Variants in IER5 observed in about 807,000 individuals in gnomAD.
IER5 encodes the protein immediate early response 5.
In IER5, 3 loss-of-function variants were observed where a neutral mutation model predicts 8.2. The observed-to-expected ratio is 0.36, with a 90% confidence interval of 0.17 to 0.94. The LOEUF (loss-of-function observed/expected upper bound fraction) is 0.94, where lower values mean the gene tolerates loss of function less well. IER5 is among the 40% of genes least tolerant of loss of function. The probability of loss-of-function intolerance (pLI) is 0.43; values close to 1 mark genes in which losing one functional copy is unlikely to be tolerated. For synonymous variants in IER5, 286 were observed against 230.1 expected (o/e 1.24, Z -2.20); for missense variants, 531 against 494.3 (o/e 1.07, Z -0.70).
Position 181,089,637 on chromosome 1 carries a change from C to A in IER5, c.735C>A (p.Asn245Lys). 1 of 1,612,676 alleles carries A rather than the reference C, an allele frequency of 6.2e-7. No individual in the cohort carries two copies. The highest frequency in any genetic ancestry group is 8.5e-7 in the Non-Finnish European group (1 of 1,179,824). ...GSTPLKKPRR[N>K]LEQPPSGGED... is the part of the protein sequence containing the mutation. Reference sequence around the variant, plus strand: ...CCCCGCTCAAGAAGCCCCGCCGGAACTTAGAGCAGCCGCCGAGTGGAGGAG... The same window carrying A: ...CCCCGCTCAAGAAGCCCCGCCGGAAATTAGAGCAGCCGCCGAGTGGAGGAG... Residue 245 changes from asparagine to lysine, a missense_variant, in exon 1 of 1, where the codon AAC becomes AAA. Asn to Lys is a moderately conservative substitution (Grantham distance 94). Coordinates refer to ENST00000367577, the MANE Select transcript of IER5 (RefSeq NM_016545.5).
Position 181,089,269 on chromosome 1 carries a change from A to C in IER5, c.367A>C (p.Thr123Pro), listed in dbSNP as rs758631776. 1.1e-5 allele frequency: 17 copies of C among 1,558,730 alleles called. No individual in the cohort carries two copies. The highest frequency in any genetic ancestry group is 2.0e-4 in the Middle Eastern group (1 of 5,102). ...VGDEVPVATV[T>P]GVGDVFQGGE... The stretch of plus-strand genomic sequence containing the variant: ...GGACGAGGTGCCGGTGGCCACGGTG[A>C]CTGGAGTCGGGGACGTTTTTCAGGG... The change falls in exon 1 of 1, where the codon ACT becomes CCT. Residue 123 changes from threonine to proline, a missense_variant. Coordinates refer to ENST00000367577, the MANE Select transcript of IER5 (RefSeq NM_016545.5).
Position 181,089,610 on chromosome 1 carries a change from G to C in IER5, c.708G>C (p.Ser236=). Residue 236 remains serine, a synonymous_variant, in exon 1 of 1, where the codon TCG becomes TCC. Coordinates refer to ENST00000367577, the MANE Select transcript of IER5 (RefSeq NM_016545.5). ...GGPAGCPAPG[S]TPLKKPRRNL... is the part of the protein sequence containing the mutation. ...CAGCGGGCTGCCCGGCGCCCGGCTC[G>C]ACCCCGCTCAAGAAGCCCCGCCGGA... 6.2e-7 allele frequency: 1 copy of C among 1,609,276 alleles called. No individual in the cohort carries two copies.
chr1:181,088,723 G>A lies in IER5; in HGVS notation c.-180G>A, dbSNP rs1033745303. 3 of 606,204 alleles carry A rather than the reference G, an allele frequency of 4.9e-6. No individual in the cohort carries two copies. The highest frequency in any genetic ancestry group is 8.2e-6 in the Non-Finnish European group (3 of 364,254). 37.6% of individuals were successfully genotyped at this position (606,204 alleles called of 1,614,324 possible). On this transcript the variant is annotated 5_prime_UTR_variant, in exon 1 of 1. Coordinates refer to ENST00000367577, the MANE Select transcript of IER5 (RefSeq NM_016545.5). ...CTGTTTAGCGACCGGACCCGAAACG[G>A]GGAAGTTGTCTTGTTTGGAGAGGTT...
chr1:181,089,746 C>A lies in IER5; in HGVS notation c.844C>A (p.Arg282=). ...IFGSSFSGLL[R]KSPGGGREEE... The stretch of plus-strand genomic sequence containing the variant: ...CGGTTCCAGTTTCTCGGGACTCCTA[C>A]GGAAAAGCCCCGGGGGCGGCAGAGA... Residue 282 remains arginine (R), a synonymous_variant, in exon 1 of 1, where the codon CGG becomes AGG. Coordinates refer to ENST00000367577, the MANE Select transcript of IER5 (RefSeq NM_016545.5). 2 of 1,613,858 alleles carry A rather than the reference C, an allele frequency of 1.2e-6. No individual in the cohort carries two copies. Among genetic ancestry groups the A allele is most frequent in the Non-Finnish European group, 1.7e-6 (2 of 1,179,962 alleles).
At position 181,090,050 on chromosome 1, in the gene IER5, T is replaced by G. The variant is rs74795403; in HGVS notation, c.*164T>G. 2 of 812,948 alleles carry G rather than the reference T, an allele frequency of 2.5e-6. No individual in the cohort carries two copies. Among genetic ancestry groups the G allele is most frequent in the East Asian group, 5.4e-5 (2 of 37,338 alleles). The allele number at this position is 812,948 out of a possible 1,614,324, so 50.4% of individuals were successfully genotyped here. On this transcript the variant is annotated 3_prime_UTR_variant, in exon 1 of 1. Coordinates refer to ENST00000367577, the MANE Select transcript of IER5 (RefSeq NM_016545.5). Reference sequence around the variant, plus strand: ...AAACTGCCCCCGGGCGCATCTGGCTTATCTGGAGACCTGGGAGCTTGAGGC... The same window carrying G: ...AAACTGCCCCCGGGCGCATCTGGCTGATCTGGAGACCTGGGAGCTTGAGGC...
chr1:181,091,978 C>G lies in IER5; in HGVS notation c.*2092C>G, dbSNP rs1162228290. The stretch of plus-strand genomic sequence containing the variant: ...GGGAACTTTGTACTTTATGCTCTGT[C>G]GCCATAATAATGTATTTATAGAATT... On this transcript the variant is annotated 3_prime_UTR_variant, in exon 1 of 1. Transcript: ENST00000367577. The G allele has an allele frequency of 6.6e-6, 1 of 152,154 alleles. No homozygotes were observed. The highest frequency in any genetic ancestry group is 1.5e-5 in the Non-Finnish European group (1 of 68,046). The allele number at this position is 152,154 out of a possible 1,614,324, so 9.4% of individuals were successfully genotyped here.
Position 181,092,581 on chromosome 1 carries a change from T to G in IER5, c.*2695T>G, listed in dbSNP as rs925963586. 1.3e-5 allele frequency: 2 copies of G among 152,234 alleles called. No individual in the cohort carries two copies. Among genetic ancestry groups the G allele is most frequent in the African/African-American group, 4.8e-5 (2 of 41,436 alleles). 9.4% of individuals were successfully genotyped at this position (152,234 alleles called of 1,614,324 possible). Reference sequence around the variant, plus strand: ...TCCCAAAGTGCTGGGATTACAGGCATGAGCCACCACAACCTGGCCTGCTTG... The same window carrying G: ...TCCCAAAGTGCTGGGATTACAGGCAGGAGCCACCACAACCTGGCCTGCTTG... On this transcript the variant is annotated 3_prime_UTR_variant, in exon 1 of 1. Transcript: ENST00000367577.
rs959555785 is a variant in IER5 at position 181,088,725 on chromosome 1, G to T, written c.-178G>T. 7 of 610,492 alleles carry T rather than the reference G, an allele frequency of 1.1e-5. No homozygotes were observed. Among genetic ancestry groups the T allele is most frequent in the Admixed American group, 7.0e-5 (2 of 28,698 alleles). 37.8% of individuals were successfully genotyped at this position (610,492 alleles called of 1,614,324 possible). On this transcript the variant is annotated 5_prime_UTR_variant, in exon 1 of 1. Transcript: ENST00000367577. ...GTTTAGCGACCGGACCCGAAACGGG[G>T]AAGTTGTCTTGTTTGGAGAGGTTAG... is the stretch of plus-strand genomic sequence containing the variant.
In IER5 at chr1:181,089,654, G is replaced by A; in HGVS notation, c.752G>A (p.Ser251Asn). The A allele has an allele frequency of 1.2e-6, 2 of 1,612,972 alleles. No homozygotes were observed. Residue 251 changes from serine to asparagine, a missense_variant, in exon 1 of 1, where the codon AGT becomes AAT. By Grantham distance (46) the Ser-to-Asn change is conservative. Transcript: ENST00000367577. ...CGCCGGAACTTAGAGCAGCCGCCGA[G>A]TGGAGGAGAGGACGACGACGCGGAG... is the stretch of plus-strand genomic sequence containing the variant. The part of the protein sequence containing the change: ...KPRRNLEQPP[S>N]GGEDDDAEEM...
rs1277923025 is a variant in IER5 at position 181,092,793 on chromosome 1, A to G, written c.*2907A>G. The G allele has an allele frequency of 6.6e-6, 1 of 152,228 alleles. No homozygotes were observed. Among genetic ancestry groups the G allele is most frequent in the African/African-American group, 2.4e-5 (1 of 41,452 alleles). The allele number at this position is 152,228 out of a possible 1,614,324, so 9.4% of individuals were successfully genotyped here. On this transcript the variant is annotated 3_prime_UTR_variant, in exon 1 of 1. Coordinates refer to ENST00000367577, the MANE Select transcript of IER5 (RefSeq NM_016545.5). ...TGTAATAAGCACGCAACTGTTAATT[A>G]TTGTTAATGTAGAAGTTAATTCTGT... is the stretch of plus-strand genomic sequence containing the variant.
Position 181,089,196 on chromosome 1 carries a change from C to G in IER5, c.294C>G (p.Thr98=), listed in dbSNP as rs767598026. The G allele has an allele frequency of 4.6e-6, 7 of 1,527,890 alleles. No homozygotes were observed. In the South Asian group the frequency reaches 6.1e-5, roughly 13 times the overall value. 94.6% of individuals were successfully genotyped at this position (1,527,890 alleles called of 1,614,324 possible). The change falls in exon 1 of 1, where the codon ACC becomes ACG. Residue 98 remains threonine, a synonymous_variant. Transcript: ENST00000367577. ...CCGCTCGTGCCTCTTGGCCGGAGAC[C>G]GAGCCGCAGCCGGAGCGCTCCTCCG... is the stretch of plus-strand genomic sequence containing the variant. ...PPAARASWPE[T]EPQPERSSVS...
rs1159859322 is a variant in IER5, at chr1:181,090,370, G to A, written c.*484G>A. ...GGCCAGGAGTGGCGTTTCCGCACAG[G>A]ATTTCCTAAGACGAGAGGGATTTAG... On this transcript the variant is annotated 3_prime_UTR_variant, in exon 1 of 1. Transcript: ENST00000367577. The A allele has an allele frequency of 5.5e-6, 1 of 181,462 alleles. No individual in the cohort carries two copies. Among genetic ancestry groups the A allele is most frequent in the African/African-American group, 2.4e-5 (1 of 41,526 alleles). The allele number at this position is 181,462 out of a possible 1,614,324, so 11.2% of individuals were successfully genotyped here.
Position 181,089,442 on chromosome 1 carries a change from A to G in IER5, c.540A>G (p.Leu180=). 1 of 1,378,380 alleles carries G rather than the reference A, an allele frequency of 7.3e-7. No individual in the cohort carries two copies. Among genetic ancestry groups the G allele is most frequent in the African/African-American group, 1.5e-5 (1 of 65,856 alleles). The allele number at this position is 1,378,380 out of a possible 1,614,324, so 85.4% of individuals were successfully genotyped here. The stretch of plus-strand genomic sequence containing the variant: ...CGCGCCGCCCCTGCGGCTGCCCCCT[A>G]GGCGGGGAGGACCCGCCGGGTACAC... ...RAARRPCGCP[L]GGEDPPGTPA... Residue 180 remains leucine, a synonymous_variant, in exon 1 of 1, where the codon CTA becomes CTG. Transcript: ENST00000367577.
chr1:181,089,764 G>A lies in IER5; in HGVS notation c.862G>A (p.Gly288Ser). The A allele has an allele frequency of 6.2e-7, 1 of 1,613,840 alleles. No homozygotes were observed. Among genetic ancestry groups the A allele is most frequent in the Non-Finnish European group, 8.5e-7 (1 of 1,179,948 alleles). The change falls in exon 1 of 1, where the codon GGC becomes AGC. Residue 288 changes from glycine (G) to serine (S), a missense_variant. By Grantham distance (56) the Gly-to-Ser change is moderately conservative. Coordinates refer to ENST00000367577, the MANE Select transcript of IER5 (RefSeq NM_016545.5). ...ACTCCTACGGAAAAGCCCCGGGGGC[G>A]GCAGAGAGGAAGAGGAGGGAGAGGA... is the stretch of plus-strand genomic sequence containing the variant. ...SGLLRKSPGG[G>S]REEEEGEESG...
chr1:181,088,849 C>A lies in IER5; in HGVS notation c.-54C>A. On this transcript the variant is annotated 5_prime_UTR_variant, in exon 1 of 1. Coordinates refer to ENST00000367577, the MANE Select transcript of IER5 (RefSeq NM_016545.5). ...GACTTGTTTGCGCCTCCCGTTCCCTCCCAATTTCCAAACGTGTCACCCCGG... is the reference window on the plus strand; with the variant it reads ...GACTTGTTTGCGCCTCCCGTTCCCTACCAATTTCCAAACGTGTCACCCCGG... 1.3e-6 allele frequency: 2 copies of A among 1,597,090 alleles called. No individual in the cohort carries two copies. The highest frequency in any genetic ancestry group is 1.1e-5 in the South Asian group (1 of 89,808).
At position 181,089,405 on chromosome 1, in the gene IER5, T is replaced by C. The variant is rs190503142; in HGVS notation, c.503T>C (p.Val168Ala). 301 of 1,437,156 alleles carry C rather than the reference T, an allele frequency of 2.1e-4. 2 individuals are homozygous for C. The African/African-American group carries it at 4.2e-3, about 20-fold the overall frequency. The allele number at this position is 1,437,156 out of a possible 1,614,324, so 89.0% of individuals were successfully genotyped here. ...TAGGWGVFPEVSRAARRPCGC... is the reference protein window; with the variant it reads ...TAGGWGVFPEASRAARRPCGC... ...GGAGGCTGGGGCGTCTTCCCCGAGG[T>C]ATCTCGTGCCGCGCGCCGCCCCTGC... Residue 168 changes from valine (V) to alanine (A), a missense_variant, in exon 1 of 1, where the codon GTA (valine) becomes GCA (alanine). Transcript: ENST00000367577.
At position 181,089,352 on chromosome 1, in the gene IER5, G is replaced by T. The variant is rs1238796579; in HGVS notation, c.450G>T (p.Ala150=). The part of the protein sequence containing the change: ...AWSRVEGPRQ[A]AAREAEGTAG... ...GCCGCGTGGAGGGGCCGCGCCAGGCGGCGGCCAGAGAAGCCGAGGGTACCG... is the reference window on the plus strand; with the variant it reads ...GCCGCGTGGAGGGGCCGCGCCAGGCTGCGGCCAGAGAAGCCGAGGGTACCG... The change falls in exon 1 of 1, where the codon GCG becomes GCT. Residue 150 remains alanine, a synonymous_variant. Transcript: ENST00000367577. 1.3e-6 allele frequency: 2 copies of T among 1,517,052 alleles called. No homozygotes were observed. The highest frequency in any genetic ancestry group is 1.4e-5 in the African/African-American group (1 of 70,038). The allele number at this position is 1,517,052 out of a possible 1,614,324, so 94.0% of individuals were successfully genotyped here.
rs1266176575 is a variant in IER5, at chr1:181,092,062, T to TA, written c.*2179dup. ...CTTTTTCTTTCAGAAAGTAGCTACT[T>TA]AAATTCTGTTACAGCTACAAAAGAT... On this transcript the variant is annotated 3_prime_UTR_variant, in exon 1 of 1. Coordinates refer to ENST00000367577, the MANE Select transcript of IER5 (RefSeq NM_016545.5). The TA allele has an allele frequency of 1.3e-5, 2 of 152,188 alleles. No individual in the cohort carries two copies. The highest frequency in any genetic ancestry group is 1.3e-4 in the Admixed American group (2 of 15,276). 9.4% of individuals were successfully genotyped at this position (152,188 alleles called of 1,614,324 possible).
At position 181,092,722 on chromosome 1, in the gene IER5, G is replaced by T. The variant is rs1474074959; in HGVS notation, c.*2836G>T. 6.6e-6 allele frequency: 1 copy of T among 152,124 alleles called. No individual in the cohort carries two copies. The highest frequency in any genetic ancestry group is 1.5e-5 in the Non-Finnish European group (1 of 68,024). 9.4% of individuals were successfully genotyped at this position (152,124 alleles called of 1,614,324 possible). A position where few individuals can be genotyped will look rare whatever the true frequency, so the allele number is the denominator to read the frequency against. On this transcript the variant is annotated 3_prime_UTR_variant, in exon 1 of 1. Transcript: ENST00000367577. Reference sequence around the variant, plus strand: ...TGGGATAATTGGATCTGTCTCATAGGGTTGTGAAAATTAATGAGTTAATGC... The same window carrying T: ...TGGGATAATTGGATCTGTCTCATAGTGTTGTGAAAATTAATGAGTTAATGC...
Sources: allele counts gnomAD v4.1 joint callset, GRCh38; gene constraint gnomAD v4.1.1; transcripts MANE v1.5; gene names NCBI Gene and HGNC (gene_info 2026-07-23, HGNC 2026-07-21).